The following NDUFAF6 variants were observed in gnomAD, a reference collection of about 807,000 sequenced individuals.
The protein encoded by NDUFAF6 is NADH dehydrogenase (ubiquinone) complex I, assembly factor 6.
NDUFAF6 carries 45 observed loss-of-function variants against 40.8 expected under a neutral mutation model. The ratio of observed to expected loss-of-function variants is 1.10; its 90% CI spans 0.87 to 1.42. The LOEUF is 1.42. Ranked by LOEUF, NDUFAF6 falls within the 40% of genes most tolerant of loss-of-function variation. NDUFAF6 has a pLI of 0.00. For synonymous variants in NDUFAF6, 185 were observed against 155.9 expected (o/e 1.19, Z -1.39); for missense variants, 435 against 418.5 (o/e 1.04, Z -0.34).
intron 2 of NDUFAF6, among the ~76,000 whole-genome samples, chr8:94,995,739 A>G (rs1200106159): frequency 6.6e-6 from 1 of 152,160 alleles, no homozygotes; most frequent in Admixed American, 6.6e-5. Flanking sequence ...TCAGATTTGG[A>G]TCTCTGGCCC....
At chr8:95,023,600 C>G (rs1414969265), upstream of NDUFAF6, among the ~76,000 whole-genome samples, 2 of 152,116 alleles carry the variant, frequency 1.3e-5, no homozygotes. Context: ...AATCTGGAGG[C>G]AAGAGGGATT....
chr8:94,917,650 T>C (rs987977518), intron 1 of NDUFAF6, among the ~76,000 whole-genome samples: 2 of 152,198 alleles, frequency 1.3e-5, no homozygotes, highest in African/African-American at 4.8e-5. Flanking sequence ...ATCAACACTA[T>C]AGAGCTTACA....
intron 2 of NDUFAF6, among the ~76,000 whole-genome samples, chr8:95,001,003 T>G (rs1462063171): frequency 1.4e-5 from 2 of 147,800 alleles, no homozygotes; most frequent in African/African-American, 2.5e-5. Flanking sequence ...TCTCCCAAGG[T>G]GGAGTACAGT....
intron 1 of NDUFAF6, among the ~76,000 whole-genome samples, chr8:94,963,157 C>CT (rs962914965): frequency 2.2e-4 from 33 of 152,248 alleles, no homozygotes; most frequent in African/African-American, 7.5e-4. Context: ...GTCAGGCTCT[C>CT]TATTACCTGC....
chr8:94,913,918 A>T (rs1238832029), intron 1 of NDUFAF6, among the ~76,000 whole-genome samples: 1 of 152,056 alleles, frequency 6.6e-6, no homozygotes, highest in Non-Finnish European at 1.5e-5. Flanking sequence ...CAGCCTCCTG[A>T]GTAGCTGAGA....
At chr8:94,993,283 C>T (rs1297992242) in intron 2 of NDUFAF6, among the ~76,000 whole-genome samples, 2 of 152,206 alleles carry the variant, frequency 1.3e-5, no homozygotes, top group Non-Finnish European at 2.9e-5. Flanking sequence ...TCTCCAAATA[C>T]AGTCACATCC....
At chr8:95,076,524 T>G (rs1833020096), downstream of NDUFAF6, among the ~76,000 whole-genome samples, 1 of 152,224 alleles carries the variant, frequency 6.6e-6, no homozygotes, top group Admixed American at 6.5e-5. Context: ...TTTTTCTTCC[T>G]TTTAAAAAAT....
chr8:94,998,730 C>T lies in NDUFAF6; in HGVS notation c.-84+17757C>T, dbSNP rs368131232. On this transcript the variant is annotated intron_variant, in intron 2 of 9. Coordinates refer to the NDUFAF6 transcript ENST00000396111. ...TCAGGTGGAAGGGGAGGTGGATGCA[C>T]GCAGGAGGGTGTCTGGCTTTGCTCA... is the stretch of plus-strand genomic sequence containing the variant. 4.1e-4 allele frequency among the ~76,000 whole-genome samples: 63 copies of T among 152,180 alleles called. No homozygotes were observed. The South Asian group carries it at 9.5e-3, about 23-fold the overall frequency.
At chr8:95,031,871 G>C in intron 1 of NDUFAF6, 124 bp from the exon 2 acceptor site, 1 of 874,904 alleles carries the variant, frequency 1.1e-6, no homozygotes, top group Non-Finnish European at 1.9e-6. Flanking sequence ...AAAGTGCTGG[G>C]ATTACAGGCA....
At chr8:95,019,169 C>T (rs1316393331) in intron 2 of NDUFAF6, among the ~76,000 whole-genome samples, 5 of 152,180 alleles carry the variant, frequency 3.3e-5, no homozygotes, top group African/African-American at 4.8e-5. Flanking sequence ...CGCCACCATG[C>T]CCAGTTAATT....
At chr8:94,992,472 G>A (rs1271906229) in intron 2 of NDUFAF6, among the ~76,000 whole-genome samples, 1 of 152,064 alleles carries the variant, frequency 6.6e-6, no homozygotes. Context: ...GGATGACAGA[G>A]CAAGACTCCC....
chr8:94,914,662 C>T (rs13262110), intron 1 of NDUFAF6, among the ~76,000 whole-genome samples: 69,811 of 151,940 alleles, frequency 0.46, 16,860 homozygotes, highest in East Asian at 0.73. Flanking sequence ...CGGTGGCTCA[C>T]GCCTATAATC....
chr8:94,967,360 A>G (rs138562330), intron 1 of NDUFAF6, among the ~76,000 whole-genome samples: 2 of 152,302 alleles, frequency 1.3e-5, no homozygotes, highest in Non-Finnish European at 2.9e-5. Context: ...CAGGACTCAC[A>G]TTTGCACACA....
At chr8:95,040,865 A>G (rs186400805) in intron 3 of NDUFAF6, 65 of 152,294 alleles carry the variant, frequency 4.3e-4, no homozygotes, top group African/African-American at 1.5e-3. Context: ...GGAATCGCCC[A>G]TTTCTCGAGA....
chr8:95,000,988 C>T (rs1271119684), intron 2 of NDUFAF6, among the ~76,000 whole-genome samples: 1 of 148,546 alleles, frequency 6.7e-6, no homozygotes, highest in Admixed American at 6.7e-5. Context: ...CAGGGTCTCG[C>T]TCTGTCTCCC....
chr8:94,897,159 T>A (rs984034446), intron 1 of NDUFAF6, among the ~76,000 whole-genome samples: 18 of 152,206 alleles, frequency 1.2e-4, no homozygotes, highest in Admixed American at 3.3e-4. Context: ...TAAAATATAC[T>A]GAAAACCAGT....
At chr8:94,988,360 C>T (rs775332550) in intron 2 of NDUFAF6, 20 of 152,172 alleles carry the variant, frequency 1.3e-4, no homozygotes, top group Admixed American at 3.3e-4. Context: ...TCTCTCAGCT[C>T]CCACAGGCCC....
chr8:95,096,306 T>C (rs1267773348), upstream of NDUFAF6, among the ~76,000 whole-genome samples: 1 of 152,114 alleles, frequency 6.6e-6, no homozygotes, highest in East Asian at 1.9e-4. Context: ...TCAACAAAAG[T>C]ATTGGCCTTT....
intron 2 of NDUFAF6, among the ~76,000 whole-genome samples, chr8:94,999,637 G>A (rs756914583): frequency 2.0e-5 from 3 of 149,088 alleles, no homozygotes; most frequent in Admixed American, 6.7e-5. Flanking sequence ...GGCTGGTCTC[G>A]AACTCCTGAC....
Sources: allele counts gnomAD v4.1 joint callset (sites outside exome capture counted in the v4.1 genomes callset), GRCh38; gene constraint gnomAD v4.1.1; transcripts MANE v1.5; gene names NCBI Gene and HGNC (gene_info 2026-07-23, HGNC 2026-07-21).